Variants in ZNF41 observed in about 807,000 individuals in gnomAD.
ZNF41 encodes the protein zinc finger protein 41.
Under a neutral mutation model 9.3 loss-of-function variants are expected in ZNF41, and 6 were observed. The observed-to-expected ratio is 0.65, with a 90% confidence interval of 0.35 to 1.28. ZNF41 has a LOEUF of 1.28. Ranked by LOEUF, ZNF41 falls within the 50% of genes most tolerant of loss-of-function variation. ZNF41 has a pLI of 0.03. For synonymous variants in ZNF41, 192 were observed against 207.1 expected, an observed-to-expected ratio of 0.93 and a Z score of 0.63; for missense variants, 523 against 585.8, an observed-to-expected ratio of 0.89 and a Z score of 1.11.
intron 4 of ZNF41, among the ~76,000 whole-genome samples, chrX:47,454,045 C>G (rs952814149): frequency 9.0e-6 from 1 of 111,138 alleles, no homozygotes; most frequent in Non-Finnish European, 1.9e-5. Context: ...GCATTCCAGC[C>G]TGGGTGGCAG....
chrX:47,450,224 T>C (rs1051439121), intron 4 of ZNF41, among the ~76,000 whole-genome samples: 3 of 111,233 alleles, frequency 2.7e-5, no homozygotes, highest in African/African-American at 6.5e-5. Context: ...TTCTTTCTTT[T>C]TTTTGAAATG....
intron 1 of ZNF41, among the ~76,000 whole-genome samples, chrX:47,480,852 T>TG (rs765672342): frequency 1.4e-4 from 15 of 106,069 alleles, no homozygotes; most frequent in Non-Finnish European, 2.3e-4. Context: ...AAAAATCCAA[T>TG]GTGGAACAGG....
chrX:47,477,769 C>A (rs1430091805), intron 1 of ZNF41, among the ~76,000 whole-genome samples: 1 of 111,974 alleles, frequency 8.9e-6, no homozygotes, highest in East Asian at 2.8e-4. Context: ...AACTTTCAGG[C>A]CCAGACAAAA....
At chrX:47,460,562 A>T (rs1201732236) in intron 2 of ZNF41, among the ~76,000 whole-genome samples, 1 of 111,971 alleles carries the variant, frequency 8.9e-6, no homozygotes, top group African/African-American at 3.2e-5. Context: ...ACAAACCAAT[A>T]AGAAAAAAAG....
chrX:47,474,876 T>TAA (rs35807470), intron 1 of ZNF41, among the ~76,000 whole-genome samples: 7 of 67,498 alleles, frequency 1.0e-4, no homozygotes, highest in Admixed American at 2.0e-4. Flanking sequence ...AGAACCTGTC[T>TAA]AAAAAAAAAA....
At chrX:47,458,253 G>A (rs755210030) in intron 2 of ZNF41, among the ~76,000 whole-genome samples, 128 of 111,582 alleles carry the variant, frequency 1.1e-3, no homozygotes, top group African/African-American at 3.7e-3. Flanking sequence ...GTAATAAGAC[G>A]AAACTTTTCT....
chrX:47,451,352 A>G (rs1158378310), intron 4 of ZNF41, among the ~76,000 whole-genome samples: 1 of 112,409 alleles, frequency 8.9e-6, no homozygotes, highest in African/African-American at 3.2e-5. Flanking sequence ...CTGGTTATCA[A>G]TGTTTTGCCT....
chrX:47,461,353 C>T (rs771686028), intron 2 of ZNF41, among the ~76,000 whole-genome samples: 1 of 109,742 alleles, frequency 9.1e-6, no homozygotes, highest in South Asian at 4.0e-4. Context: ...CCGGCTCGGC[C>T]TCCCAAAGTG....
Position 47,467,689 on chromosome X carries a change from C to T in ZNF41, c.-208G>A, listed in dbSNP as rs1602948020. 2.2e-6 allele frequency: 1 copy of T among 450,443 alleles called. No homozygotes were observed. The highest frequency in any genetic ancestry group is 3.7e-5 in the East Asian group (1 of 26,750). The allele number at this position is 450,443 out of a possible 1,213,427, so 37.1% of individuals were successfully genotyped here. ...AGAAACCCTGGAAAGACAGTGTCCA[C>T]ATGGTCATCACTCCACGTTCACTCA... On this transcript the variant is annotated 5_prime_UTR_variant, in exon 2 of 5. In the 5' UTR this introduces an upstream ATG that the reference lacks. Transcript: ENST00000684689.
At chrX:47,464,349 T>A (rs1280864989) in intron 2 of ZNF41, among the ~76,000 whole-genome samples, 3 of 111,171 alleles carry the variant, frequency 2.7e-5, no homozygotes, top group South Asian at 7.7e-4. Flanking sequence ...TGTTCCTTAT[T>A]CCGTTGTGAC....
intron 2 of ZNF41, among the ~76,000 whole-genome samples, chrX:47,464,909 G>A (rs1569292118): frequency 8.9e-6 from 1 of 112,237 alleles, no homozygotes; most frequent in East Asian, 2.8e-4. Context: ...ATTTTGAGAT[G>A]GAGTCTCACT....
Position 47,448,726 on chromosome X carries a change from A to C in ZNF41, c.1044T>G (p.Ile348Met). 8.3e-7 allele frequency: 1 copy of C among 1,211,641 alleles called. No individual in the cohort carries two copies. The highest frequency in any genetic ancestry group is 1.1e-6 in the Non-Finnish European group (1 of 895,531). Residue 348 changes from isoleucine to methionine, a missense_variant, in exon 5 of 5, where the codon ATT (isoleucine) becomes ATG (methionine). Ile to Met is a conservative substitution (Grantham distance 10, BLOSUM62 1). Coordinates refer to ENST00000684689, the MANE Select transcript of ZNF41 (RefSeq NM_001324144.2). Reference sequence around the variant, plus strand: ...ATTTGTAGGGTTTCTGCCCGGTATGAATTTTTTGATGTGTAATGAGGTTTG... The same window carrying C: ...ATTTGTAGGGTTTCTGCCCGGTATGCATTTTTTGATGTGTAATGAGGTTTG... The part of the protein sequence containing the change: ...LKSNLITHQK[I>M]HTGQKPYKCS...
At chrX:47,449,714 T>TAACCCTATGAGGTAGCTA (rs1410248567) in intron 4 of ZNF41, among the ~76,000 whole-genome samples, 5 of 112,397 alleles carry the variant, frequency 4.4e-5, no homozygotes, top group African/African-American at 1.6e-4. Context: ...CTCATTTAAC[T>TAACCCTATGAGGTAGCTA]AACCCTATGA....
chrX:47,467,360 T>C (rs2057025795), intron 2 of ZNF41, 50 bp downstream of exon 2: 1 of 1,169,055 alleles, frequency 8.6e-7, no homozygotes, highest in East Asian at 3.2e-5. Context: ...CAGGTCAGGG[T>C]ATCTCTTCAC....
intron 1 of ZNF41, among the ~76,000 whole-genome samples, chrX:47,475,081 GAA>G (rs762750726): frequency 1.2e-5 from 1 of 86,825 alleles, no homozygotes. Context: ...TCGGGAGGTT[GAA>G]AAAAAAAAAA....
Position 47,467,585 on chromosome X carries a change from G to T in ZNF41, c.-104C>A. 1.0e-6 allele frequency: 1 copy of T among 1,004,855 alleles called. No individual in the cohort carries two copies. The highest frequency in any genetic ancestry group is 1.4e-6 in the Non-Finnish European group (1 of 733,124). 82.8% of individuals were successfully genotyped at this position (1,004,855 alleles called of 1,213,427 possible). A position where few individuals can be genotyped will look rare whatever the true frequency, so the allele number is the denominator to read the frequency against. ...TGTGGACTCAACCGGAGCTGCTGGG[G>T]CGAGGCAAGCAGGGGTCAGAAGGAA... On this transcript the variant is annotated 5_prime_UTR_variant, in exon 2 of 5. Coordinates refer to ENST00000684689, the MANE Select transcript of ZNF41 (RefSeq NM_001324144.2).
intron 1 of ZNF41, among the ~76,000 whole-genome samples, chrX:47,478,876 G>T (rs1426342738): frequency 9.0e-6 from 1 of 110,918 alleles, no homozygotes; most frequent in African/African-American, 3.3e-5. Flanking sequence ...GGCAGCTGCA[G>T]TGAACTGAGA....
chrX:47,447,465 G>A lies in ZNF41; in HGVS notation c.2305C>T (p.His769Tyr). 1 of 1,211,121 alleles carries A rather than the reference G, an allele frequency of 8.3e-7. No homozygotes were observed. Among genetic ancestry groups the A allele is most frequent in the Non-Finnish European group, 1.1e-6 (1 of 895,329 alleles). Residue 769 changes from histidine (H) to tyrosine (Y), a missense_variant, in exon 5 of 5, where the codon CAT (histidine) becomes TAT (tyrosine). Coordinates refer to ENST00000684689, the MANE Select transcript of ZNF41 (RefSeq NM_001324144.2). ...RSNLIKHQKMHSGEKRYKASD is the reference protein window; with the variant it reads ...RSNLIKHQKMYSGEKRYKASD ...GCTTTATAGCGTTTTTCTCCACTAT[G>A]CATTTTCTGGTGTTTAATGAGATTC...
In ZNF41 at chrX:47,447,962, C is replaced by T; in HGVS notation, c.1808G>A (p.Gly603Glu). Residue 603 changes from glycine to glutamate, a missense_variant, in exon 5 of 5, where the codon GGA becomes GAA. Gly to Glu is a moderately conservative substitution (Grantham distance 98). Coordinates refer to ENST00000684689, the MANE Select transcript of ZNF41 (RefSeq NM_001324144.2). ...TLSVHQRIHT[G>E]EKPYVCPECG... The stretch of plus-strand genomic sequence containing the variant: ...TTCAGGACAAACGTACGGTTTCTCT[C>T]CTGTATGGATTCTCTGATGCACGCT... 1 of 1,211,806 alleles carries T rather than the reference C, an allele frequency of 8.3e-7. No homozygotes were observed. Among genetic ancestry groups the T allele is most frequent in the African/African-American group, 1.7e-5 (1 of 57,836 alleles).
Sources: gnomAD v4.1 joint callset for allele counts (sites outside exome capture counted in the v4.1 genomes callset) on GRCh38, gnomAD v4.1.1 for gene constraint, MANE v1.5 for transcripts, NCBI Gene and HGNC (gene_info 2026-07-23, HGNC 2026-07-21) for gene names.